DPYD: variants seen among roughly 807,000 people sequenced by gnomAD.
The protein encoded by DPYD is dihydropyrimidine dehydrogenase, also known as dihydropyrimidine dehydrogenase [NADP(+)].
In DPYD, 109 loss-of-function variants were observed where a neutral mutation model predicts 116.2. That is an observed-to-expected ratio of 0.94 (90% CI 0.80 to 1.10). The LOEUF (loss-of-function observed/expected upper bound fraction) is 1.10. Among genes scored for constraint, DPYD ranks in the 50% least tolerant of loss-of-function variants. DPYD has a pLI of 0.00. For synonymous variants in DPYD, 440 were observed against 432.0 expected, an observed-to-expected ratio of 1.02 and a Z score of -0.23; for missense variants, 1,302 against 1,254.5, an observed-to-expected ratio of 1.04 and a Z score of -0.57.
At chr1:97,737,410 A>AT (rs1664022610) in intron 4 of DPYD, among the ~76,000 whole-genome samples, 3 of 152,068 alleles carry the variant, frequency 2.0e-5, no homozygotes, top group Non-Finnish European at 4.4e-5. Context: ...ACTTTCCAAC[A>AT]TTTTTTCTTC....
intron 13 of DPYD, among the ~76,000 whole-genome samples, chr1:97,492,669 T>C (rs920818302): frequency 6.6e-6 from 1 of 152,070 alleles, no homozygotes; most frequent in African/African-American, 2.4e-5. Context: ...AGTCTGCAAA[T>C]ATATGTTTCA....
chr1:97,738,841 T>C (rs1435486911), intron 4 of DPYD, among the ~76,000 whole-genome samples: 1 of 152,126 alleles, frequency 6.6e-6, no homozygotes, highest in East Asian at 1.9e-4. Context: ...AAACAGAAAG[T>C]GGATTTCCAA....
intron 2 of DPYD, among the ~76,000 whole-genome samples, chr1:97,874,759 A>G (rs1385526112): frequency 1.3e-5 from 2 of 151,858 alleles, no homozygotes; most frequent in Non-Finnish European, 2.9e-5. Flanking sequence ...TACCAACAAC[A>G]TTAATAAAAA....
At chr1:97,467,254 T>G (rs1451732671) in intron 13 of DPYD, among the ~76,000 whole-genome samples, 1 of 152,234 alleles carries the variant, frequency 6.6e-6, no homozygotes, top group African/African-American at 2.4e-5. Flanking sequence ...TTCTTTGTTC[T>G]GCATTTCTTT....
At position 97,828,130 on chromosome 1, in the gene DPYD, G is replaced by C; in HGVS notation, c.217C>G (p.Leu73Val). 1 of 1,613,698 alleles carries C rather than the reference G, an allele frequency of 6.2e-7. No homozygotes were observed. Among genetic ancestry groups the C allele is most frequent in the Non-Finnish European group, 8.5e-7 (1 of 1,179,808 alleles). The change falls in exon 3 of 23, where the codon CTC becomes GTC. Residue 73 changes from leucine to valine, a missense_variant. Transcript: ENST00000370192. The part of the protein sequence containing the change: ...KHTTLGERGA[L>V]REAMRCLKCA... ...CAGACTTACCTCATTGCTTCTCGGA[G>C]AGCTCCTCGCTCACCAAGAGTCGTG...
chr1:97,892,312 A>G (rs535805661), intron 1 of DPYD, among the ~76,000 whole-genome samples: 56 of 151,864 alleles, frequency 3.7e-4, no homozygotes, highest in Non-Finnish European at 5.9e-4. Flanking sequence ...TAAATTTTTC[A>G]GTTTATTTGC....
At chr1:97,262,148 T>C (rs1663930959) in intron 18 of DPYD, among the ~76,000 whole-genome samples, 1 of 152,012 alleles carries the variant, frequency 6.6e-6, no homozygotes, top group East Asian at 1.9e-4. Flanking sequence ...ACCTGCCTCA[T>C]CTTTTAATGT....
chr1:97,529,192 C>T (rs7537617), intron 12 of DPYD, among the ~76,000 whole-genome samples: 2,500 of 152,254 alleles, frequency 0.016, 70 homozygotes, highest in African/African-American at 0.058. Context: ...GTAGTATCAC[C>T]AATGAGCCAA....
At chr1:97,173,384 A>G (rs1204339329) in intron 20 of DPYD, among the ~76,000 whole-genome samples, 4 of 150,138 alleles carry the variant, frequency 2.7e-5, no homozygotes, top group Middle Eastern at 3.5e-3. Flanking sequence ...GTGTGTATAT[A>G]CGTACATATA....
In DPYD at chr1:97,147,956, T is replaced by C. The variant is rs747455896; in HGVS notation, c.2622+45113A>G. On this transcript the variant is annotated intron_variant, in intron 20 of 22. Coordinates refer to ENST00000370192, the MANE Select transcript of DPYD (RefSeq NM_000110.4). ...ACAAAGTGTGTGCACTTTGGATAGA[T>C]ACATGACTACTTTATTGTAGAGGCA... 2.0e-5 allele frequency among the ~76,000 whole-genome samples: 3 copies of C among 152,136 alleles called. No individual in the cohort carries two copies. The East Asian group carries it at 5.8e-4, about 29-fold the overall frequency.
intron 8 of DPYD, among the ~76,000 whole-genome samples, chr1:97,659,012 C>A (rs1299008162): frequency 3.3e-5 from 5 of 152,152 alleles, no homozygotes; most frequent in Non-Finnish European, 7.4e-5. Flanking sequence ...AAAGACACCA[C>A]TTCTTCTAGG....
intron 1 of DPYD, among the ~76,000 whole-genome samples, chr1:97,908,602 T>C (rs1470595635): frequency 1.3e-5 from 2 of 152,066 alleles, no homozygotes; most frequent in South Asian, 2.1e-4. Context: ...CAATAATTCT[T>C]GTTCTTCCAC....
chr1:97,144,830 A>G (rs1287708377), intron 20 of DPYD, among the ~76,000 whole-genome samples: 1 of 152,160 alleles, frequency 6.6e-6, no homozygotes, highest in Non-Finnish European at 1.5e-5. Flanking sequence ...TAGCTGATTT[A>G]TTTTTTTCTT....
chr1:97,146,517 T>A lies in DPYD; in HGVS notation c.2622+46552A>T, dbSNP rs79929315. On this transcript the variant is annotated intron_variant, in intron 20 of 22. Transcript: ENST00000370192. Reference sequence around the variant, plus strand: ...GGCAGTCTCTATGAAACATTCAGGGTTATTTGTTTGTTTGTTTGTCTGTTC... The same window carrying A: ...GGCAGTCTCTATGAAACATTCAGGGATATTTGTTTGTTTGTTTGTCTGTTC... Among the ~76,000 whole-genome samples, 204 of 152,290 alleles carry A rather than the reference T, an allele frequency of 1.3e-3. 3 individuals carry two copies. The East Asian group carries it at 0.037, about 27-fold the overall frequency.
At chr1:97,731,542 T>G (rs1663612266) in intron 4 of DPYD, among the ~76,000 whole-genome samples, 1 of 152,070 alleles carries the variant, frequency 6.6e-6, no homozygotes, top group Non-Finnish European at 1.5e-5. Flanking sequence ...CTTTTATATT[T>G]TAATAATATT....
chr1:97,518,867 T>C (rs555964942), intron 12 of DPYD, among the ~76,000 whole-genome samples: 64 of 152,152 alleles, frequency 4.2e-4, no homozygotes, highest in African/African-American at 1.5e-3. Flanking sequence ...ATGTACAAAG[T>C]AAAACTGTGA....
At chr1:97,358,252 G>C (rs1181835617) in intron 16 of DPYD, among the ~76,000 whole-genome samples, 1 of 152,196 alleles carries the variant, frequency 6.6e-6, no homozygotes, top group Non-Finnish European at 1.5e-5. Flanking sequence ...CAGGTGGAGG[G>C]GCATCTGCCA....
intron 8 of DPYD, among the ~76,000 whole-genome samples, chr1:97,606,341 T>C (rs1052613372): frequency 4.6e-5 from 7 of 151,868 alleles, no homozygotes; most frequent in African/African-American, 1.5e-4. Context: ...AAGAAGGACA[T>C]GTAATAAAAA....
At chr1:97,093,621 A>G (rs888461394) in intron 21 of DPYD, among the ~76,000 whole-genome samples, 2 of 152,212 alleles carry the variant, frequency 1.3e-5, no homozygotes, top group African/African-American at 4.8e-5. Context: ...AAGTTCATGC[A>G]GCTATGAAAC....
Sources: gnomAD v4.1 joint callset for allele counts (sites outside exome capture counted in the v4.1 genomes callset) on GRCh38, gnomAD v4.1.1 for gene constraint, MANE v1.5 for transcripts, NCBI Gene and HGNC (gene_info 2026-07-23, HGNC 2026-07-21) for gene names.